Variants in KCNJ3 observed in about 807,000 individuals in gnomAD.
KCNJ3 encodes G protein-activated inward rectifier potassium channel 1.
A neutral mutation model predicts 39.2 loss-of-function variants in KCNJ3; 4 were observed. That is an observed-to-expected ratio of 0.10 (90% CI 0.05 to 0.23). The LOEUF (loss-of-function observed/expected upper bound fraction) is 0.23, where lower values mean the gene tolerates loss of function less well. KCNJ3 is among the 10% of genes least tolerant of loss of function. The probability of loss-of-function intolerance (pLI) is 1.00; values close to 1 mark genes in which losing one functional copy is unlikely to be tolerated. For synonymous variants in KCNJ3, 230 were observed against 237.4 expected (o/e 0.97, Z 0.29); for missense variants, 276 against 634.9 (o/e 0.43, Z 6.08).
At chr2:154,759,227 G>A (rs1685993885) in intron 2 of KCNJ3, among the ~76,000 whole-genome samples, 1 of 152,142 alleles carries the variant, frequency 6.6e-6, no homozygotes, top group African/African-American at 2.4e-5. Context: ...CCGGGACACT[G>A]AATTTTGTTC....
At chr2:154,776,084 C>A (rs1574458158) in intron 2 of KCNJ3, among the ~76,000 whole-genome samples, 1 of 151,824 alleles carries the variant, frequency 6.6e-6, no homozygotes, top group Non-Finnish European at 1.5e-5. Context: ...TCACTGCAAC[C>A]CCCGCCTCCT....
intron 2 of KCNJ3, among the ~76,000 whole-genome samples, chr2:154,762,572 C>T (rs1252116187): frequency 6.6e-6 from 1 of 152,174 alleles, no homozygotes; most frequent in Non-Finnish European, 1.5e-5. Context: ...AAAGCCAATT[C>T]TCCTCTTGGG....
chr2:154,704,672 C>A (rs553170535), intron 1 of KCNJ3, among the ~76,000 whole-genome samples: 1 of 152,200 alleles, frequency 6.6e-6, no homozygotes, highest in South Asian at 2.1e-4. Flanking sequence ...AATTCTAGGT[C>A]TACATTCCCC....
At chr2:154,746,542 G>C (rs1685745190) in intron 2 of KCNJ3, among the ~76,000 whole-genome samples, 1 of 149,730 alleles carries the variant, frequency 6.7e-6, no homozygotes, top group South Asian at 2.1e-4. Flanking sequence ...TCTGAGGTTG[G>C]TTGAATCCAT....
chr2:154,703,901 T>C (rs575693183), intron 1 of KCNJ3, among the ~76,000 whole-genome samples: 15 of 152,104 alleles, frequency 9.9e-5, no homozygotes, highest in Non-Finnish European at 2.2e-4. Flanking sequence ...GTTCTGAACA[T>C]CATCTAAGCC....
chr2:154,793,474 A>G (rs1182509053), intron 2 of KCNJ3, among the ~76,000 whole-genome samples: 1 of 152,070 alleles, frequency 6.6e-6, no homozygotes, highest in African/African-American at 2.4e-5. Context: ...TCTTCCTTTT[A>G]ACATCTTTTT....
intron 2 of KCNJ3, among the ~76,000 whole-genome samples, chr2:154,807,920 G>A (rs1220834507): frequency 6.6e-6 from 1 of 151,984 alleles, no homozygotes; most frequent in Non-Finnish European, 1.5e-5. Flanking sequence ...GTTCTAAGGT[G>A]TTTCCTCCCC....
At chr2:154,799,258 G>C (rs149840619) in intron 2 of KCNJ3, among the ~76,000 whole-genome samples, 1 of 152,010 alleles carries the variant, frequency 6.6e-6, no homozygotes, top group Non-Finnish European at 1.5e-5. Flanking sequence ...CAGCCTCCCC[G>C]TAGCTGGGAT....
intron 2 of KCNJ3, among the ~76,000 whole-genome samples, chr2:154,832,900 T>G (rs969121083): frequency 7.2e-5 from 11 of 152,194 alleles, no homozygotes; most frequent in Non-Finnish European, 1.2e-4. Context: ...AAAACAGATT[T>G]GCTTATTTAC....
At chr2:154,700,970 G>A (rs913801114) in intron 1 of KCNJ3, among the ~76,000 whole-genome samples, 1 of 152,112 alleles carries the variant, frequency 6.6e-6, no homozygotes, top group Non-Finnish European at 1.5e-5. Context: ...AATTTGGGTA[G>A]ATCATATTCA....
At chr2:154,750,171 G>A (rs1280932190) in intron 2 of KCNJ3, among the ~76,000 whole-genome samples, 1 of 151,844 alleles carries the variant, frequency 6.6e-6, no homozygotes, top group Non-Finnish European at 1.5e-5. Flanking sequence ...TGACTATTAT[G>A]TGCAACATAT....
Position 154,855,081 on chromosome 2 carries a change from A to T in KCNJ3, c.1274A>T (p.Glu425Val). ...KLLRMSSTTS[E>V]KAYSLGDLPM... ...TTGAGGATGAGTTCTACAACTTCAGAAAAAGCCTACAGCTTGGGAGACTTG... is the reference window on the plus strand; with the variant it reads ...TTGAGGATGAGTTCTACAACTTCAGTAAAAGCCTACAGCTTGGGAGACTTG... Residue 425 changes from glutamate to valine, a missense_variant, in exon 3 of 3, where the codon GAA becomes GTA. Glu to Val is a moderately radical substitution (Grantham distance 121). Transcript: ENST00000295101. 1 of 1,614,108 alleles carries T rather than the reference A, an allele frequency of 6.2e-7. No homozygotes were observed. The highest frequency in any genetic ancestry group is 1.7e-5 in the Admixed American group (1 of 60,008).
At chr2:154,742,418 G>A (rs2105175710) in intron 2 of KCNJ3, among the ~76,000 whole-genome samples, 1 of 151,820 alleles carries the variant, frequency 6.6e-6, no homozygotes, top group Non-Finnish European at 1.5e-5. Flanking sequence ...CAGGTCATAT[G>A]GTAATTTTAT....
intron 1 of KCNJ3, among the ~76,000 whole-genome samples, chr2:154,708,477 T>C (rs1685049964): frequency 6.6e-6 from 1 of 152,182 alleles, no homozygotes; most frequent in Non-Finnish European, 1.5e-5. Flanking sequence ...TGTTTTGTTA[T>C]TACATTTGTT....
chr2:154,857,068 C>G lies in KCNJ3; in HGVS notation c.*1755C>G, dbSNP rs1687851861. 6.6e-6 allele frequency: 1 copy of G among 152,112 alleles called. No individual in the cohort carries two copies. The highest frequency in any genetic ancestry group is 2.1e-4 in the South Asian group (1 of 4,822). 9.4% of individuals were successfully genotyped at this position (152,112 alleles called of 1,614,324 possible). ...TAATACCTTCTGGCTACCTCTGTAT[C>G]AACCAAATTCTGTAGGTGCAAACAT... is the stretch of plus-strand genomic sequence containing the variant. On this transcript the variant is annotated 3_prime_UTR_variant, in exon 3 of 3. Transcript: ENST00000295101.
chr2:154,833,227 CT>C, intron 2 of KCNJ3, among the ~76,000 whole-genome samples: 1 of 152,274 alleles, frequency 6.6e-6, no homozygotes, highest in East Asian at 1.9e-4. Context: ...ATCATACAGC[CT>C]TTGTGGAATA....
intron 2 of KCNJ3, among the ~76,000 whole-genome samples, chr2:154,742,857 CA>C (rs901473334): frequency 2.0e-5 from 3 of 150,684 alleles, no homozygotes; most frequent in African/African-American, 4.9e-5. Context: ...TCTTTTGAAG[CA>C]AAAAAAATTA....
intron 2 of KCNJ3, among the ~76,000 whole-genome samples, chr2:154,813,538 T>C (rs539939604): frequency 6.6e-6 from 1 of 152,344 alleles, no homozygotes; most frequent in African/African-American, 2.4e-5. Context: ...CAGTGAATTC[T>C]GGTAGAACAT....
intron 2 of KCNJ3, among the ~76,000 whole-genome samples, chr2:154,819,911 C>A (rs1456599255): frequency 4.7e-5 from 7 of 148,392 alleles, no homozygotes; most frequent in Non-Finnish European, 4.5e-5. Context: ...TCCAGATTGG[C>A]AAAAAAAAAA....
Sources: gnomAD v4.1 joint callset for allele counts (sites outside exome capture counted in the v4.1 genomes callset) on GRCh38, gnomAD v4.1.1 for gene constraint, MANE v1.5 for transcripts, NCBI Gene and HGNC (gene_info 2026-07-23, HGNC 2026-07-21) for gene names.